The following CFAP54 variants were observed in gnomAD, a reference collection of about 807,000 sequenced individuals.
CFAP54 encodes cilia- and flagella-associated protein 54.
CFAP54 carries 290 observed loss-of-function variants against 370.4 expected under a neutral mutation model. The observed-to-expected ratio is 0.78, with a 90% CI of 0.71 to 0.86. The LOEUF is 0.86. CFAP54 is among the 40% of genes least tolerant of loss of function. The pLI, the probability that CFAP54 is intolerant of heterozygous loss-of-function variation, is 0.00. For synonymous variants in CFAP54, 1,206 were observed against 1,236.5 expected, an observed-to-expected ratio of 0.98 and a Z score of 0.52; for missense variants, 3,399 against 3,528.7, an observed-to-expected ratio of 0.96 and a Z score of 0.93.
rs1025562404 is a variant in CFAP54, at chr12:96,668,244, C to T, written c.5563+4312C>T. 2.6e-5 allele frequency among the ~76,000 whole-genome samples: 4 copies of T among 152,328 alleles called. No individual in the cohort carries two copies. In the South Asian group the frequency reaches 8.3e-4, roughly 32 times the overall value. ...TCCAACCTCTGCCTGTTACCCAGTT[C>T]CATAGTTGATTTCACATTTTCAGGT... On this transcript the variant is annotated intron_variant, in intron 39 of 67. Coordinates refer to ENST00000524981, the MANE Select transcript of CFAP54 (RefSeq NM_001306084.2).
chr12:96,737,661 T>C (rs948400309), intron 50 of CFAP54, among the ~76,000 whole-genome samples: 1 of 151,952 alleles, frequency 6.6e-6, no homozygotes, highest in Admixed American at 6.6e-5. Flanking sequence ...AGCTAATTTC[T>C]GTATTTTTAG....
At chr12:96,614,749 T>A (rs1039451562) in intron 26 of CFAP54, among the ~76,000 whole-genome samples, 1 of 152,146 alleles carries the variant, frequency 6.6e-6, no homozygotes, top group African/African-American at 2.4e-5. Context: ...ATGAGTGAAC[T>A]CCCATTCACA....
At chr12:96,548,755 A>T (rs1955665399) in intron 15 of CFAP54, among the ~76,000 whole-genome samples, 1 of 152,172 alleles carries the variant, frequency 6.6e-6, no homozygotes, top group Admixed American at 6.5e-5. Context: ...TTTCCCAGGG[A>T]TCACTTACAG....
chr12:96,496,453 T>G (rs1183045436), intron 1 of CFAP54, among the ~76,000 whole-genome samples: 1 of 152,232 alleles, frequency 6.6e-6, no homozygotes, highest in African/African-American at 2.4e-5. Context: ...CAGGGTTGGT[T>G]TCTCATGAGG....
intron 60 of CFAP54, among the ~76,000 whole-genome samples, chr12:96,774,737 T>C (rs910746259): frequency 6.6e-6 from 1 of 152,184 alleles, no homozygotes; most frequent in Non-Finnish European, 1.5e-5. Flanking sequence ...TAACCAAGAA[T>C]ATTATATGCC....
intron 50 of CFAP54, among the ~76,000 whole-genome samples, chr12:96,735,011 T>A (rs1957962990): frequency 6.6e-6 from 1 of 152,084 alleles, no homozygotes; most frequent in South Asian, 2.1e-4. Context: ...AAAGAAGAAA[T>A]TATAACTAGT....
chr12:96,733,222 C>T (rs1461846134), intron 50 of CFAP54, among the ~76,000 whole-genome samples: 1 of 152,128 alleles, frequency 6.6e-6, no homozygotes, highest in Non-Finnish European at 1.5e-5. Context: ...TTAGGGGAAG[C>T]CTACTGTCAA....
chr12:96,607,902 A>T (rs1956317217), intron 26 of CFAP54, among the ~76,000 whole-genome samples: 1 of 152,112 alleles, frequency 6.6e-6, no homozygotes, highest in Non-Finnish European at 1.5e-5. Flanking sequence ...TCCAGGAAAG[A>T]TATCATTCGT....
intron 14 of CFAP54, among the ~76,000 whole-genome samples, chr12:96,543,932 C>T (rs1190202227): frequency 6.6e-6 from 1 of 152,128 alleles, no homozygotes; most frequent in Non-Finnish European, 1.5e-5. Context: ...ATATAAGCCC[C>T]AGTGGGAAAA....
At chr12:96,637,463 G>T (rs1592898530) in intron 32 of CFAP54, among the ~76,000 whole-genome samples, 1 of 152,250 alleles carries the variant, frequency 6.6e-6, no homozygotes, top group East Asian at 1.9e-4. Flanking sequence ...AAAGTAGAAT[G>T]CTTACCTCAT....
At chr12:96,865,434 A>G (rs1420985484) in intron 67 of CFAP54, among the ~76,000 whole-genome samples, 1 of 152,196 alleles carries the variant, frequency 6.6e-6, no homozygotes, top group East Asian at 1.9e-4. Context: ...CACAGGCAAA[A>G]CAACATAATA....
intron 50 of CFAP54, among the ~76,000 whole-genome samples, chr12:96,727,701 GA>G (rs1436477733): frequency 1.3e-5 from 2 of 151,888 alleles, no homozygotes; most frequent in Non-Finnish European, 2.9e-5. Flanking sequence ...TGTTATGTGT[GA>G]ATTTGGTCCT....
chr12:96,868,964 C>T (rs1042395933), intron 67 of CFAP54, among the ~76,000 whole-genome samples: 4 of 152,144 alleles, frequency 2.6e-5, no homozygotes, highest in Admixed American at 2.6e-4. Context: ...ATAAGTTTTC[C>T]TGTGAATCCT....
At chr12:96,700,181 T>A (rs1957476976) in intron 46 of CFAP54, 88 bp downstream of exon 46, 1 of 1,376,792 alleles carries the variant, frequency 7.3e-7, no homozygotes, top group African/African-American at 1.5e-5. Flanking sequence ...GAAAGTGTAT[T>A]TACAATCTCT....
Position 96,695,015 on chromosome 12 carries a change from C to T in CFAP54, c.6351+1207C>T, listed in dbSNP as rs192310863. 1.2e-3 allele frequency among the ~76,000 whole-genome samples: 178 copies of T among 151,478 alleles called. 1 individual carries two copies. The highest frequency in any genetic ancestry group is 4.0e-3 in the African/African-American group (166 of 41,226). On this transcript the variant is annotated intron_variant, in intron 45 of 67. Transcript: ENST00000524981. ...CAGCCTGGGCGACAGGGCGAGACTCCGTGTCAAAAAAAACAAAAACAAAAA... is the reference window on the plus strand; with the variant it reads ...CAGCCTGGGCGACAGGGCGAGACTCTGTGTCAAAAAAAACAAAAACAAAAA...
intron 63 of CFAP54, among the ~76,000 whole-genome samples, chr12:96,805,917 T>C (rs1034783374): frequency 1.3e-5 from 2 of 151,628 alleles, no homozygotes; most frequent in East Asian, 1.9e-4. Context: ...TGTAGTAACA[T>C]GGATGTAACT....
At chr12:96,645,820 G>C (rs897185018) in intron 33 of CFAP54, 5 of 152,060 alleles carry the variant, frequency 3.3e-5, no homozygotes, top group Non-Finnish European at 5.9e-5. Context: ...TCTGATCTTT[G>C]ACAAACCTGA....
chr12:96,798,740 GT>G (rs1240402038), intron 63 of CFAP54, among the ~76,000 whole-genome samples: 4 of 152,060 alleles, frequency 2.6e-5, no homozygotes, highest in Non-Finnish European at 5.9e-5. Context: ...AAGAGTAGTT[GT>G]CATTATTATG....
chr12:96,497,693 A>G (rs945916862), intron 1 of CFAP54, among the ~76,000 whole-genome samples: 1 of 152,214 alleles, frequency 6.6e-6, no homozygotes, highest in African/African-American at 2.4e-5. Context: ...TACCCATAAC[A>G]ATATACGCCT....
Sources: gnomAD v4.1 joint callset for allele counts (sites outside exome capture counted in the v4.1 genomes callset) on GRCh38, gnomAD v4.1.1 for gene constraint, MANE v1.5 for transcripts, NCBI Gene and HGNC (gene_info 2026-07-23, HGNC 2026-07-21) for gene names.